Variants in CDH12 observed in about 807,000 individuals in gnomAD.
The protein encoded by CDH12 is cadherin-12.
CDH12 carries 41 observed loss-of-function variants against 74.1 expected under a neutral mutation model. The ratio of observed to expected loss-of-function variants is 0.55; its 90% confidence interval spans 0.43 to 0.72. The LOEUF is 0.72. CDH12 is among the 30% of genes least tolerant of loss of function. CDH12 has a pLI of 0.00. For missense variants in CDH12, 945 were observed against 977.2 expected, an observed-to-expected ratio of 0.97 and a Z score of 0.44; for synonymous variants, 399 against 355.0, an observed-to-expected ratio of 1.12 and a Z score of -1.39.
At chr5:21,904,207 C>T (rs1174295389) in intron 6 of CDH12, among the ~76,000 whole-genome samples, 1 of 152,098 alleles carries the variant, frequency 6.6e-6, no homozygotes. Context: ...GGTTCTTTTT[C>T]ATTGTATAAC....
intron 1 of CDH12, among the ~76,000 whole-genome samples, chr5:22,843,616 GT>G (rs1319324139): frequency 6.3e-5 from 3 of 47,298 alleles, no homozygotes; most frequent in Non-Finnish European, 1.7e-4. Context: ...CATTTGTGGT[GT>G]GTGTGTGTGT....
Position 21,780,854 on chromosome 5 carries a change from A to T in CDH12, c.1393+2504T>A, listed in dbSNP as rs116188987. On this transcript the variant is annotated intron_variant, in intron 11 of 14. Coordinates refer to ENST00000382254, the MANE Select transcript of CDH12 (RefSeq NM_004061.5). ...TTTAGCTGTCCCCAAATTCTGCATA[A>T]ATGAAATAAATGAAAGCATGAAATG... 3.3e-3 allele frequency among the ~76,000 whole-genome samples: 500 copies of T among 152,322 alleles called. 4 individuals are homozygous for T. The highest frequency in any genetic ancestry group is 0.012 in the African/African-American group (484 of 41,578).
chr5:22,479,452 G>A (rs140974506), intron 2 of CDH12, among the ~76,000 whole-genome samples: 30 of 152,244 alleles, frequency 2.0e-4, no homozygotes, highest in African/African-American at 7.2e-4. Flanking sequence ...TTGGAGCCTC[G>A]ATGCACTGCA....
At chr5:22,465,763 T>A (rs1045338744) in intron 2 of CDH12, among the ~76,000 whole-genome samples, 3 of 152,190 alleles carry the variant, frequency 2.0e-5, no homozygotes, top group African/African-American at 7.2e-5. Context: ...GATCATGCAC[T>A]CAGTGTGTCA....
intron 1 of CDH12, among the ~76,000 whole-genome samples, chr5:22,691,836 T>C (rs1371161166): frequency 6.6e-6 from 1 of 152,102 alleles, no homozygotes; most frequent in Non-Finnish European, 1.5e-5. Flanking sequence ...CATTAAATAT[T>C]AGTAAAAATG....
intron 2 of CDH12, among the ~76,000 whole-genome samples, chr5:22,498,841 A>T (rs1747212726): frequency 6.7e-6 from 1 of 150,278 alleles, no homozygotes; most frequent in Non-Finnish European, 1.5e-5. Context: ...AATAATTTAT[A>T]TAATTTATAT....
At chr5:22,603,632 G>A (rs1054854348) in intron 1 of CDH12, among the ~76,000 whole-genome samples, 6 of 152,074 alleles carry the variant, frequency 3.9e-5, no homozygotes, top group African/African-American at 1.4e-4. Flanking sequence ...GGAAAGAAAT[G>A]GTCCAAGGGG....
intron 1 of CDH12, among the ~76,000 whole-genome samples, chr5:22,676,027 C>T (rs966519771): frequency 6.6e-6 from 1 of 151,240 alleles, no homozygotes; most frequent in East Asian, 1.9e-4. Context: ...ATCAAAAGCA[C>T]TGAGAAAACT....
At chr5:22,386,494 G>T (rs1477436143) in intron 3 of CDH12, among the ~76,000 whole-genome samples, 2 of 152,068 alleles carry the variant, frequency 1.3e-5, no homozygotes, top group African/African-American at 4.8e-5. Flanking sequence ...TATTTCAATA[G>T]TCTTGAATAA....
chr5:22,422,562 C>G (rs966711127), intron 2 of CDH12, among the ~76,000 whole-genome samples: 1 of 152,000 alleles, frequency 6.6e-6, no homozygotes, highest in African/African-American at 2.4e-5. Flanking sequence ...TGACACATTG[C>G]ATGATACGAT....
intron 6 of CDH12, among the ~76,000 whole-genome samples, chr5:21,921,325 T>C (rs138134128): frequency 4.7e-4 from 71 of 152,348 alleles, no homozygotes; most frequent in Non-Finnish European, 8.5e-4. Context: ...TGTCAAGATA[T>C]GTTTAGCAAG....
At chr5:21,798,864 T>C (rs1348826437) in intron 10 of CDH12, among the ~76,000 whole-genome samples, 1 of 152,136 alleles carries the variant, frequency 6.6e-6, no homozygotes, top group Admixed American at 6.6e-5. Context: ...CTTAAGTGAC[T>C]AAGACAGACA....
intron 1 of CDH12, among the ~76,000 whole-genome samples, chr5:22,838,520 C>A (rs1736931356): frequency 6.6e-6 from 1 of 152,044 alleles, no homozygotes; most frequent in African/African-American, 2.4e-5. Context: ...TGTAGCATAA[C>A]TAATAAAACT....
chr5:22,649,171 T>C (rs181740810), intron 1 of CDH12, among the ~76,000 whole-genome samples: 1 of 152,170 alleles, frequency 6.6e-6, no homozygotes, highest in East Asian at 1.9e-4. Context: ...AAAAATATTA[T>C]CTGCCTTTTA....
Position 22,045,669 on chromosome 5 carries a change from G to A in CDH12, c.231+32777C>T, listed in dbSNP as rs148278981. 4.6e-3 allele frequency among the ~76,000 whole-genome samples: 694 copies of A among 150,828 alleles called. 9 individuals are homozygous for A. The highest frequency in any genetic ancestry group is 0.016 in the African/African-American group (665 of 41,140). On this transcript the variant is annotated intron_variant, in intron 5 of 14. Coordinates refer to ENST00000382254, the MANE Select transcript of CDH12 (RefSeq NM_004061.5). ...TATAGATAAAGTTGGAGGGCATTAT[G>A]TTAGGTGAAATAAGCCAGACACAGA... is the stretch of plus-strand genomic sequence containing the variant.
intron 10 of CDH12, among the ~76,000 whole-genome samples, chr5:21,789,911 C>T (rs576766065): frequency 6.6e-6 from 1 of 152,044 alleles, no homozygotes; most frequent in Non-Finnish European, 1.5e-5. Context: ...GTACATAGCA[C>T]CTGCCACTTA....
At chr5:22,710,500 C>T (rs937717373) in intron 1 of CDH12, among the ~76,000 whole-genome samples, 2 of 152,096 alleles carry the variant, frequency 1.3e-5, no homozygotes, top group South Asian at 4.1e-4. Context: ...CTACCATGTG[C>T]AAATGAGTTG....
rs6897875 is a variant in CDH12 at position 22,392,170 on chromosome 5, G to A, written c.-333+13087C>T. Reference sequence around the variant, plus strand: ...AAATAACGATTCAGGAATAAACCTGGACATGAATGAGTAAGCTTCCTCTGA... The same window carrying A: ...AAATAACGATTCAGGAATAAACCTGAACATGAATGAGTAAGCTTCCTCTGA... On this transcript the variant is annotated intron_variant, in intron 3 of 14. Coordinates refer to ENST00000382254, the MANE Select transcript of CDH12 (RefSeq NM_004061.5). 9.5e-3 allele frequency among the ~76,000 whole-genome samples: 1,452 copies of A among 152,262 alleles called. 24 individuals are homozygous for A. The highest frequency in any genetic ancestry group is 0.033 in the African/African-American group (1,369 of 41,550).
chr5:22,575,860 T>C (rs1739762779), intron 1 of CDH12, among the ~76,000 whole-genome samples: 1 of 151,960 alleles, frequency 6.6e-6, no homozygotes. Context: ...CCACTGCGCC[T>C]GGCCTTATTT....
Sources: allele counts gnomAD v4.1 joint callset (sites outside exome capture counted in the v4.1 genomes callset), GRCh38; gene constraint gnomAD v4.1.1; transcripts MANE v1.5; gene names NCBI Gene and HGNC (gene_info 2026-07-23, HGNC 2026-07-21).